The following TTC23L variants were observed in gnomAD, a reference collection of about 807,000 sequenced individuals.
The protein encoded by TTC23L is tetratricopeptide repeat domain 23 like.
Under a neutral mutation model 48.1 loss-of-function variants are expected in TTC23L, and 42 were observed. The ratio of observed to expected loss-of-function variants is 0.87; its 90% CI spans 0.68 to 1.13. TTC23L has a LOEUF of 1.13. TTC23L is among the 50% of genes most tolerant of loss of function. The probability of loss-of-function intolerance (pLI) is 0.00; values close to 1 mark genes in which losing one functional copy is unlikely to be tolerated. For synonymous variants in TTC23L, 159 were observed against 157.2 expected (o/e 1.01, Z -0.09); for missense variants, 391 against 421.0 (o/e 0.93, Z 0.62).
intron 9 of TTC23L, among the ~76,000 whole-genome samples, chr5:34,887,556 T>C (rs906798044): frequency 5.9e-5 from 9 of 152,010 alleles, no homozygotes; most frequent in African/African-American, 1.9e-4. Flanking sequence ...AATTCCTGAG[T>C]CTCACCCCAG....
chr5:34,903,488 C>T (rs1178485035), downstream of TTC23L, among the ~76,000 whole-genome samples: 1 of 152,052 alleles, frequency 6.6e-6, no homozygotes, highest in African/African-American at 2.4e-5. Context: ...GCATTATTAC[C>T]CAAGTCCATA....
chr5:34,846,091 G>A (rs1759103756), intron 3 of TTC23L, among the ~76,000 whole-genome samples: 1 of 152,154 alleles, frequency 6.6e-6, no homozygotes, highest in Admixed American at 6.5e-5. Context: ...AGCTGAGACA[G>A]GATAGCAGCT....
intron 9 of TTC23L, among the ~76,000 whole-genome samples, chr5:34,890,997 A>G (rs75117358): frequency 6.6e-6 from 1 of 152,326 alleles, no homozygotes; most frequent in East Asian, 1.9e-4. Flanking sequence ...TCAGTAAAAT[A>G]TTAGTACTTT....
chr5:34,880,320 C>A lies in TTC23L; in HGVS notation c.1077+12C>A. On this transcript the variant is annotated intron_variant, in intron 9 of 10. Transcript: ENST00000505624. ...ATGGAGAAAAACAGGTAAATATGATCAATGCATAAACAGAATTGCTAGTTT... is the reference window on the plus strand; with the variant it reads ...ATGGAGAAAAACAGGTAAATATGATAAATGCATAAACAGAATTGCTAGTTT... 6.2e-7 allele frequency: 1 copy of A among 1,603,026 alleles called. No individual in the cohort carries two copies. The highest frequency in any genetic ancestry group is 1.1e-5 in the South Asian group (1 of 88,584).
chr5:34,921,234 C>T, the TTC23L span: 1 of 152,166 alleles, frequency 6.6e-6, no homozygotes, highest in Non-Finnish European at 1.5e-5. Context: ...CAAGCCTTCA[C>T]TCCTGTAATG....
At chr5:34,895,950 G>A (rs1259865942) in intron 9 of TTC23L, among the ~76,000 whole-genome samples, 2 of 152,156 alleles carry the variant, frequency 1.3e-5, no homozygotes, top group Non-Finnish European at 2.9e-5. Context: ...ACAAAATTAA[G>A]GAGGAAATAT....
chr5:34,915,777 A>G, the TTC23L span: 3 of 1,600,516 alleles, frequency 1.9e-6, no homozygotes, highest in Non-Finnish European at 1.7e-6. Context: ...GAGGCTTTGC[A>G]GTTCAGGCGA....
At chr5:34,918,226 A>G in the TTC23L span, 1 of 514,362 alleles carries the variant, frequency 1.9e-6, no homozygotes, top group Non-Finnish European at 3.5e-6. Flanking sequence ...TGGGAGGATC[A>G]CTTACTTGAG....
At chr5:34,859,452 C>G (rs538287447) in intron 4 of TTC23L, among the ~76,000 whole-genome samples, 2 of 152,126 alleles carry the variant, frequency 1.3e-5, no homozygotes, top group Non-Finnish European at 2.9e-5. Flanking sequence ...TGCTATGGTT[C>G]GAGCATGTCC....
the TTC23L span, chr5:34,916,715 C>T: frequency 6.6e-6 from 1 of 152,218 alleles, no homozygotes; most frequent in African/African-American, 2.4e-5. Context: ...GCATAGTACT[C>T]TAGCGCGGAG....
intron 8 of TTC23L, among the ~76,000 whole-genome samples, chr5:34,870,522 C>T (rs1039003302): frequency 6.6e-6 from 1 of 152,102 alleles, no homozygotes; most frequent in Non-Finnish European, 1.5e-5. Flanking sequence ...GGAATTCTGT[C>T]TAGCATCTAA....
At chr5:34,877,821 G>A (rs906247207) in intron 8 of TTC23L, among the ~76,000 whole-genome samples, 8 of 152,102 alleles carry the variant, frequency 5.3e-5, no homozygotes, top group Admixed American at 6.5e-5. Flanking sequence ...CATAATGGAA[G>A]ACCTAGCTAA....
At chr5:34,878,251 A>G (rs1761994337) in intron 8 of TTC23L, among the ~76,000 whole-genome samples, 1 of 152,196 alleles carries the variant, frequency 6.6e-6, no homozygotes, top group Admixed American at 6.5e-5. Context: ...CTGTAGTCCT[A>G]GCTACTTGGG....
intron 8 of TTC23L, among the ~76,000 whole-genome samples, chr5:34,877,232 C>A (rs1023858795): frequency 2.0e-5 from 3 of 152,072 alleles, no homozygotes; most frequent in African/African-American, 7.2e-5. Flanking sequence ...TCAATAGATG[C>A]AGAAAGAGCA....
chr5:34,860,603 T>C (rs1307713857), intron 4 of TTC23L, among the ~76,000 whole-genome samples: 1 of 151,916 alleles, frequency 6.6e-6, no homozygotes, highest in Admixed American at 6.5e-5. Context: ...CAGTGCAATT[T>C]GAAGGCCACC....
the TTC23L span, chr5:34,911,412 TTA>T: frequency 1.0e-6 from 1 of 1,002,754 alleles, no homozygotes; most frequent in East Asian, 2.5e-5. Context: ...ATCCATAAAA[TTA>T]TGAGGTAAGA....
chr5:34,898,664 C>T (rs1309882536), intron 10 of TTC23L, among the ~76,000 whole-genome samples: 1 of 152,138 alleles, frequency 6.6e-6, no homozygotes, highest in Non-Finnish European at 1.5e-5. Context: ...TGCCAGATAG[C>T]TTTCTATATT....
the TTC23L span, chr5:34,920,625 G>A: frequency 6.6e-6 from 1 of 152,292 alleles, no homozygotes; most frequent in Admixed American, 6.5e-5. Flanking sequence ...GAGAAATAAA[G>A]CAGGTTATAG....
chr5:34,889,641 G>A (rs371939287), intron 9 of TTC23L, among the ~76,000 whole-genome samples: 1 of 152,148 alleles, frequency 6.6e-6, no homozygotes, highest in African/African-American at 2.4e-5. Flanking sequence ...AGGATACAGA[G>A]GATCAGCCAC....
Sources: allele counts gnomAD v4.1 joint callset (sites outside exome capture counted in the v4.1 genomes callset), GRCh38; gene constraint gnomAD v4.1.1; transcripts MANE v1.5; gene names NCBI Gene and HGNC (gene_info 2026-07-23, HGNC 2026-07-21).